The following RAPGEF4 variants were observed in gnomAD, a reference collection of about 807,000 sequenced individuals.
The protein encoded by RAPGEF4 is RAP guanine-nucleotide-exchange factor (GEF) 4.
A neutral mutation model predicts 147.9 loss-of-function variants in RAPGEF4; 66 were observed. The observed-to-expected ratio is 0.45, with a 90% confidence interval of 0.37 to 0.55. RAPGEF4 has a LOEUF of 0.55. RAPGEF4 is among the 20% of genes least tolerant of loss of function. The probability of loss-of-function intolerance (pLI) is 0.00; values close to 1 mark genes in which losing one functional copy is unlikely to be tolerated. For synonymous variants in RAPGEF4, 419 were observed against 442.7 expected (o/e 0.95, Z 0.67); for missense variants, 1,071 against 1,257.3 (o/e 0.85, Z 2.24).
At chr2:172,862,143 G>A (rs967470629) in intron 4 of RAPGEF4, among the ~76,000 whole-genome samples, 12 of 152,142 alleles carry the variant, frequency 7.9e-5, no homozygotes, top group African/African-American at 2.4e-4. Flanking sequence ...GGCAGCATTC[G>A]GTCATCACTG....
chr2:172,971,658 T>C (rs1690498718), intron 10 of RAPGEF4, among the ~76,000 whole-genome samples: 1 of 152,168 alleles, frequency 6.6e-6, no homozygotes, highest in Admixed American at 6.5e-5. Flanking sequence ...CTCTTTCTGC[T>C]GGAATAAGAG....
intron 2 of RAPGEF4, among the ~76,000 whole-genome samples, chr2:172,795,708 A>G (rs1490120139): frequency 6.6e-6 from 1 of 152,234 alleles, no homozygotes. Context: ...AACTAATTGG[A>G]ATATTCAATG....
chr2:172,750,292 G>A (rs1294631276), intron 1 of RAPGEF4, among the ~76,000 whole-genome samples: 1 of 152,112 alleles, frequency 6.6e-6, no homozygotes, highest in African/African-American at 2.4e-5. Context: ...AGAAAAAAAG[G>A]TTTAATGGAC....
At chr2:172,974,804 G>A (rs748748163) in intron 10 of RAPGEF4, among the ~76,000 whole-genome samples, 2 of 152,118 alleles carry the variant, frequency 1.3e-5, no homozygotes, top group African/African-American at 2.4e-5. Flanking sequence ...ATTCCCAGGC[G>A]TGCTGCTAAT....
intron 10 of RAPGEF4, among the ~76,000 whole-genome samples, chr2:172,981,333 G>A (rs977708227): frequency 2.6e-5 from 4 of 152,226 alleles, no homozygotes; most frequent in Non-Finnish European, 5.9e-5. Flanking sequence ...GTAGTAGATG[G>A]ATGAAGGTGA....
chr2:172,806,169 A>G (rs867696522), intron 3 of RAPGEF4, among the ~76,000 whole-genome samples: 7 of 152,190 alleles, frequency 4.6e-5, no homozygotes, highest in Middle Eastern at 3.4e-3. Context: ...CTAGATATAT[A>G]TAAGATTTTA....
intron 1 of RAPGEF4, among the ~76,000 whole-genome samples, chr2:172,749,183 C>T (rs1695037360): frequency 6.6e-6 from 1 of 151,958 alleles, no homozygotes; most frequent in Non-Finnish European, 1.5e-5. Context: ...GTCCTCTTCT[C>T]ACAGCTCTGC....
intron 4 of RAPGEF4, among the ~76,000 whole-genome samples, chr2:172,876,178 A>G (rs1695895404): frequency 1.3e-5 from 2 of 152,296 alleles, no homozygotes; most frequent in South Asian, 2.1e-4. Context: ...TAAATATACA[A>G]TCAAGTCATC....
chr2:172,967,378 A>G lies in RAPGEF4; in HGVS notation c.938A>G (p.Gln313Arg), dbSNP rs760223868. The change falls in exon 10 of 31, where the codon CAG (glutamine) becomes CGG (arginine). Residue 313 changes from glutamine (Q) to arginine (R), a missense_variant. Transcript: ENST00000397081. ...EEKKECDEEL[Q>R]DTMLLLSQMG... is the part of the protein sequence containing the mutation. ...AAGAAGGAGTGTGATGAGGAGCTCC[A>G]GGACACCATGCTGCTGCTGTCACAG... 4 of 1,611,958 alleles carry G rather than the reference A, an allele frequency of 2.5e-6. No homozygotes were observed. In the East Asian group the frequency reaches 8.9e-5, roughly 36 times the overall value.
chr2:172,864,746 A>T (rs188314615), intron 4 of RAPGEF4, among the ~76,000 whole-genome samples: 29 of 152,332 alleles, frequency 1.9e-4, no homozygotes, highest in African/African-American at 6.5e-4. Flanking sequence ...TCTACAAAAA[A>T]TGCCAAAAAT....
chr2:172,877,232 G>A (rs2149836413), intron 4 of RAPGEF4, among the ~76,000 whole-genome samples: 1 of 152,248 alleles, frequency 6.6e-6, no homozygotes, highest in Non-Finnish European at 1.5e-5. Flanking sequence ...GATGAAGCTG[G>A]AAATCCATCA....
chr2:172,777,493 A>G (rs1207484920), intron 1 of RAPGEF4, among the ~76,000 whole-genome samples: 2 of 152,106 alleles, frequency 1.3e-5, no homozygotes, highest in Admixed American at 6.6e-5. Context: ...TGGAATGTCC[A>G]CTCAGATCAC....
intron 6 of RAPGEF4, among the ~76,000 whole-genome samples, chr2:172,937,498 G>A (rs143232121): frequency 5.8e-4 from 89 of 152,236 alleles, no homozygotes; most frequent in Non-Finnish European, 9.0e-4. Flanking sequence ...GGGGAAGACC[G>A]TATTTTCATC....
chr2:172,855,814 T>C (rs1693350435), intron 4 of RAPGEF4, among the ~76,000 whole-genome samples: 1 of 152,196 alleles, frequency 6.6e-6, no homozygotes, highest in African/African-American at 2.4e-5. Context: ...GATGGAAAGT[T>C]ACTACTAATA....
intron 1 of RAPGEF4, among the ~76,000 whole-genome samples, chr2:172,745,175 A>G (rs940197625): frequency 1.3e-5 from 2 of 152,056 alleles, no homozygotes; most frequent in African/African-American, 2.4e-5. Context: ...TATAAGATCA[A>G]TGCTATTTAT....
Position 173,001,207 on chromosome 2 carries a change from G to A in RAPGEF4, c.1580-59G>A, listed in dbSNP as rs879234037. On this transcript the variant is annotated intron_variant, in intron 16 of 30. Coordinates refer to ENST00000397081, the MANE Select transcript of RAPGEF4 (RefSeq NM_007023.4). ...TAAGAACAAGTGAATGGATACTCTT[G>A]CTTTCCTAAAGATTTCCACAAGAAC... 15 of 1,607,018 alleles carry A rather than the reference G, an allele frequency of 9.3e-6. No individual in the cohort carries two copies. In the South Asian group the frequency reaches 1.5e-4, roughly 17 times the overall value.
At chr2:172,918,628 G>A (rs1215658313) in intron 5 of RAPGEF4, among the ~76,000 whole-genome samples, 1 of 152,104 alleles carries the variant, frequency 6.6e-6, no homozygotes, top group Non-Finnish European at 1.5e-5. Flanking sequence ...TAAACTCAAA[G>A]AAACCCGTAT....
At chr2:172,914,252 A>G (rs1369337153) in intron 4 of RAPGEF4, among the ~76,000 whole-genome samples, 1 of 150,402 alleles carries the variant, frequency 6.6e-6, no homozygotes, top group African/African-American at 2.4e-5. Flanking sequence ...ATATGTATTC[A>G]GGTATTTCAG....
chr2:172,760,182 T>A (rs1181482818), intron 1 of RAPGEF4, among the ~76,000 whole-genome samples: 2 of 152,032 alleles, frequency 1.3e-5, no homozygotes, highest in Non-Finnish European at 2.9e-5. Flanking sequence ...TCCACCCCCA[T>A]CAGCAAAGAC....
Sources: allele counts gnomAD v4.1 joint callset (sites outside exome capture counted in the v4.1 genomes callset), GRCh38; gene constraint gnomAD v4.1.1; transcripts MANE v1.5; gene names NCBI Gene and HGNC (gene_info 2026-07-23, HGNC 2026-07-21).